Variants in XKR4 observed in about 807,000 individuals in gnomAD.
XKR4 encodes the protein XK related 4, also known as XK-related protein 4.
XKR4 carries 12 observed loss-of-function variants against 53.9 expected under a neutral mutation model. The ratio of observed to expected loss-of-function variants is 0.22; its 90% confidence interval spans 0.14 to 0.36. The LOEUF (loss-of-function observed/expected upper bound fraction) is 0.36, where lower values mean the gene tolerates loss of function less well. Among genes scored for constraint, XKR4 ranks in the 10% least tolerant of loss-of-function variants. XKR4 has a pLI of 1.00. For synonymous variants in XKR4, 354 were observed against 362.4 expected (o/e 0.98, Z 0.26); for missense variants, 799 against 859.5 (o/e 0.93, Z 0.88).
intron 1 of XKR4, among the ~76,000 whole-genome samples, chr8:55,211,100 T>C (rs1268025195): frequency 1.3e-5 from 2 of 152,216 alleles, no homozygotes; most frequent in African/African-American, 4.8e-5. Flanking sequence ...GCTGTTCTTT[T>C]GTTTGAAAGA....
chr8:55,390,588 A>G (rs547853969), intron 2 of XKR4, among the ~76,000 whole-genome samples: 1 of 152,346 alleles, frequency 6.6e-6, no homozygotes, highest in East Asian at 1.9e-4. Flanking sequence ...GACTGTGGGC[A>G]GCAGGGCTAG....
intron 2 of XKR4, among the ~76,000 whole-genome samples, chr8:55,495,937 G>T (rs1337664988): frequency 1.3e-5 from 2 of 152,214 alleles, no homozygotes; most frequent in Non-Finnish European, 2.9e-5. Context: ...CACCTCAAAA[G>T]CACCATATGA....
At chr8:55,445,868 C>A (rs190623257) in intron 2 of XKR4, among the ~76,000 whole-genome samples, 1 of 152,188 alleles carries the variant, frequency 6.6e-6, no homozygotes, top group Admixed American at 6.5e-5. Flanking sequence ...GTGTTCAGTA[C>A]GAAGCCTTGC....
intron 1 of XKR4, among the ~76,000 whole-genome samples, chr8:55,203,657 C>T (rs893978334): frequency 1.3e-5 from 2 of 152,150 alleles, no homozygotes; most frequent in African/African-American, 2.4e-5. Flanking sequence ...TGACTCAGCA[C>T]CACGTCCAGG....
At chr8:55,437,955 A>C (rs552775196) in intron 2 of XKR4, among the ~76,000 whole-genome samples, 145 of 102,628 alleles carry the variant, frequency 1.4e-3, no homozygotes, top group African/African-American at 4.4e-3. Flanking sequence ...ACAAACAAAC[A>C]AAAAAAAAAA....
intron 1 of XKR4, among the ~76,000 whole-genome samples, chr8:55,291,253 T>A (rs1819014415): frequency 6.6e-6 from 1 of 152,216 alleles, no homozygotes; most frequent in Non-Finnish European, 1.5e-5. Flanking sequence ...TACCACCCAG[T>A]CTTGATTACT....
chr8:55,147,295 A>C (rs898417087), intron 1 of XKR4, among the ~76,000 whole-genome samples: 1 of 152,224 alleles, frequency 6.6e-6, no homozygotes, highest in Non-Finnish European at 1.5e-5. Flanking sequence ...ACTGTCAGTT[A>C]ATACAACAGC....
chr8:55,361,254 G>C (rs1420136928), intron 2 of XKR4, among the ~76,000 whole-genome samples: 1 of 152,138 alleles, frequency 6.6e-6, no homozygotes, highest in East Asian at 1.9e-4. Flanking sequence ...TCCTCACTAG[G>C]AGAGAGGCGG....
chr8:55,357,985 G>A (rs1803844973), intron 2 of XKR4, 108 bp downstream of exon 2: 2 of 1,080,690 alleles, frequency 1.9e-6, no homozygotes, highest in Non-Finnish European at 2.6e-6. Context: ...GGCCTGTGAT[G>A]TGTCTGCTGT....
chr8:55,524,342 A>T lies in XKR4; in HGVS notation c.*115A>T. The T allele has an allele frequency of 1.0e-6, 1 of 994,410 alleles. No individual in the cohort carries two copies. The highest frequency in any genetic ancestry group is 1.5e-6 in the Non-Finnish European group (1 of 687,474). The allele number at this position is 994,410 out of a possible 1,614,324, so 61.6% of individuals were successfully genotyped here. ...AGTGAGCCGTGAAGTTCCTAGTGGG[A>T]CCGTCATCACCATTATCATTTGATC... is the stretch of plus-strand genomic sequence containing the variant. On this transcript the variant is annotated 3_prime_UTR_variant, in exon 3 of 3. Transcript: ENST00000327381.
intron 1 of XKR4, among the ~76,000 whole-genome samples, chr8:55,242,665 G>A (rs1818226487): frequency 6.6e-6 from 1 of 152,194 alleles, no homozygotes; most frequent in African/African-American, 2.4e-5. Context: ...TGGTGAGTGG[G>A]CAACAGAAGG....
rs141928824 is a variant in XKR4, at chr8:55,277,478, G to A, written c.807-80200G>A. 4.2e-3 allele frequency among the ~76,000 whole-genome samples: 642 copies of A among 152,228 alleles called. 9 individuals are homozygous for A. Among genetic ancestry groups the A allele is most frequent in the African/African-American group, 0.014 (597 of 41,536 alleles). ...AAACATAATGAGATATCTTGGGGATGGGACTCAAGTCTAAGCATGAAATTC... is the reference window on the plus strand; with the variant it reads ...AAACATAATGAGATATCTTGGGGATAGGACTCAAGTCTAAGCATGAAATTC... On this transcript the variant is annotated intron_variant, in intron 1 of 2. Transcript: ENST00000327381.
At chr8:55,164,325 GA>G (rs988136751) in intron 1 of XKR4, 2 of 455,190 alleles carry the variant, frequency 4.4e-6, no homozygotes, top group South Asian at 1.6e-5. Context: ...TTGCTATTTG[GA>G]GGGTGAGATG....
chr8:55,173,788 A>T (rs1302528131), intron 1 of XKR4, among the ~76,000 whole-genome samples: 1 of 152,206 alleles, frequency 6.6e-6, no homozygotes, highest in Admixed American at 6.5e-5. Context: ...CCAGCATCAA[A>T]GGAATTTGAA....
chr8:55,364,460 A>G (rs1348250967), intron 2 of XKR4, among the ~76,000 whole-genome samples: 1 of 152,152 alleles, frequency 6.6e-6, no homozygotes, highest in African/African-American at 2.4e-5. Flanking sequence ...GCCCCTCAGG[A>G]CACTGAATAT....
At chr8:55,248,380 G>A (rs182096075) in intron 1 of XKR4, among the ~76,000 whole-genome samples, 6 of 152,350 alleles carry the variant, frequency 3.9e-5, no homozygotes, top group Admixed American at 3.3e-4. Flanking sequence ...TGACATTCAT[G>A]CAAGCATGTA....
At chr8:55,336,804 T>C (rs1193155891) in intron 1 of XKR4, among the ~76,000 whole-genome samples, 1 of 152,186 alleles carries the variant, frequency 6.6e-6, no homozygotes, top group Non-Finnish European at 1.5e-5. Context: ...TACAATTCTC[T>C]ATTATTAAAC....
intron 1 of XKR4, among the ~76,000 whole-genome samples, chr8:55,203,883 A>C (rs894021347): frequency 6.6e-6 from 1 of 152,186 alleles, no homozygotes; most frequent in African/African-American, 2.4e-5. Flanking sequence ...GCAGGGCACT[A>C]TGGAGATATG....
chr8:55,193,324 G>C (rs918649928), intron 1 of XKR4, among the ~76,000 whole-genome samples: 1 of 151,310 alleles, frequency 6.6e-6, no homozygotes, highest in South Asian at 2.1e-4. Context: ...CTTGTTTTTC[G>C]CTTGCTCCAG....
Sources: allele counts gnomAD v4.1 joint callset (sites outside exome capture counted in the v4.1 genomes callset), GRCh38; gene constraint gnomAD v4.1.1; transcripts MANE v1.5; gene names NCBI Gene and HGNC (gene_info 2026-07-23, HGNC 2026-07-21).